Variants in HPSE2 observed in about 807,000 individuals in gnomAD.
The protein encoded by HPSE2 is heparanase 2 (inactive).
HPSE2 carries 38 observed loss-of-function variants against 60.5 expected under a neutral mutation model. The ratio of observed to expected loss-of-function variants is 0.63; its 90% CI spans 0.48 to 0.82. The LOEUF is 0.82. Ranked by LOEUF, HPSE2 falls within the 40% of genes least tolerant of loss-of-function variation. The pLI is 0.00. For synonymous variants in HPSE2, 295 were observed against 293.2 expected (o/e 1.01, Z -0.06); for missense variants, 713 against 740.4 (o/e 0.96, Z 0.43).
At chr10:98,708,797 C>T (rs1284084627) in intron 5 of HPSE2, among the ~76,000 whole-genome samples, 1 of 152,152 alleles carries the variant, frequency 6.6e-6, no homozygotes, top group East Asian at 1.9e-4. Flanking sequence ...AAGACCTCAT[C>T]TAAAATAGGA....
chr10:99,146,854 C>G (rs1410546238), intron 2 of HPSE2, among the ~76,000 whole-genome samples: 2 of 151,748 alleles, frequency 1.3e-5, no homozygotes, highest in Non-Finnish European at 1.5e-5. Context: ...GAGTGAGACT[C>G]CATCAAAAAA....
At chr10:99,054,265 A>C (rs776485836) in intron 3 of HPSE2, among the ~76,000 whole-genome samples, 4 of 152,202 alleles carry the variant, frequency 2.6e-5, no homozygotes, top group Non-Finnish European at 4.4e-5. Flanking sequence ...TACAGAGTTG[A>C]GAAGGGAACA....
intron 2 of HPSE2, among the ~76,000 whole-genome samples, chr10:99,152,892 G>A (rs559826727): frequency 4.7e-4 from 71 of 152,338 alleles, no homozygotes; most frequent in African/African-American, 1.3e-3. Context: ...CAGTGGGTGC[G>A]CGCATCGTGC....
At chr10:98,618,469 A>G (rs1174227401) in intron 8 of HPSE2, among the ~76,000 whole-genome samples, 2 of 152,042 alleles carry the variant, frequency 1.3e-5, no homozygotes, top group Non-Finnish European at 2.9e-5. Context: ...AGCAAATGCC[A>G]TTCCTCTGCT....
the HPSE2 span, among the ~76,000 whole-genome samples, chr10:99,314,696 T>G: frequency 3.9e-5 from 6 of 152,350 alleles, no homozygotes; most frequent in East Asian, 1.2e-3. Context: ...GCACTTATAA[T>G]AGTATTAGTC....
intron 3 of HPSE2, among the ~76,000 whole-genome samples, chr10:99,072,984 G>C (rs1842847525): frequency 6.7e-6 from 1 of 148,624 alleles, no homozygotes; most frequent in African/African-American, 2.5e-5. Context: ...AACAGATGCT[G>C]GAGAGGTTGC....
intron 2 of HPSE2, among the ~76,000 whole-genome samples, chr10:99,184,855 G>A (rs1412876943): frequency 8.7e-6 from 1 of 114,298 alleles, no homozygotes; most frequent in Non-Finnish European, 2.0e-5. Flanking sequence ...GAGAGAGAGA[G>A]AGAGAGAGAC....
At chr10:98,596,192 G>A (rs183057251) in intron 9 of HPSE2, among the ~76,000 whole-genome samples, 5 of 151,926 alleles carry the variant, frequency 3.3e-5, no homozygotes, top group Non-Finnish European at 7.4e-5. Context: ...ATCTGGCTTT[G>A]GTATTAGAAC....
chr10:98,610,156 G>A (rs950024396), intron 9 of HPSE2, among the ~76,000 whole-genome samples: 3 of 152,106 alleles, frequency 2.0e-5, no homozygotes, highest in African/African-American at 7.2e-5. Flanking sequence ...TGGTGTTCTT[G>A]TATCAATCCA....
chr10:98,984,439 T>A (rs1956286441), intron 3 of HPSE2, among the ~76,000 whole-genome samples: 2 of 152,280 alleles, frequency 1.3e-5, no homozygotes, highest in South Asian at 4.1e-4. Flanking sequence ...GTCCTGACTC[T>A]TAGAAGGAAA....
At chr10:99,048,198 C>T (rs9633709) in intron 3 of HPSE2, 67,767 of 634,168 alleles carry the variant, frequency 0.11, 4,255 homozygotes, top group South Asian at 0.19. Flanking sequence ...ATCATCTGCA[C>T]GGAGGATCTG....
intron 3 of HPSE2, among the ~76,000 whole-genome samples, chr10:99,061,698 C>A (rs1320148014): frequency 2.0e-5 from 3 of 152,212 alleles, no homozygotes; most frequent in Admixed American, 6.5e-5. Context: ...GTTAGGAGCA[C>A]AGACTATGGA....
chr10:98,834,800 C>T (rs1951757052), intron 3 of HPSE2, among the ~76,000 whole-genome samples: 1 of 151,620 alleles, frequency 6.6e-6, no homozygotes, highest in African/African-American at 2.4e-5. Flanking sequence ...TATGATAATC[C>T]AGCTGTCTTC....
At chr10:98,605,655 T>C (rs892206582) in intron 9 of HPSE2, among the ~76,000 whole-genome samples, 1 of 152,176 alleles carries the variant, frequency 6.6e-6, no homozygotes, top group African/African-American at 2.4e-5. Flanking sequence ...GATACACCAC[T>C]ATTATTTGTA....
At chr10:98,620,306 T>C (rs868029869) in intron 8 of HPSE2, among the ~76,000 whole-genome samples, 3 of 152,218 alleles carry the variant, frequency 2.0e-5, no homozygotes, top group African/African-American at 4.8e-5. Context: ...AGAAAATGTA[T>C]GTTGTTTACA....
intron 3 of HPSE2, among the ~76,000 whole-genome samples, chr10:98,905,172 T>A (rs185130939): frequency 0.014 from 2,163 of 152,116 alleles, 38 homozygotes; most frequent in African/African-American, 0.045. Flanking sequence ...TTTTTTTTTT[T>A]ATTATACTTT....
At chr10:98,545,078 C>T (rs553123542) in intron 9 of HPSE2, among the ~76,000 whole-genome samples, 1 of 152,320 alleles carries the variant, frequency 6.6e-6, no homozygotes, top group Non-Finnish European at 1.5e-5. Context: ...TTCCTCGACA[C>T]ATACACTCTG....
intron 6 of HPSE2, among the ~76,000 whole-genome samples, chr10:98,672,123 G>A (rs1047248910): frequency 1.3e-5 from 2 of 152,158 alleles, no homozygotes; most frequent in Non-Finnish European, 2.9e-5. Context: ...GCCAAGTACA[G>A]AACTTTAACA....
rs554457143 is a variant in HPSE2 at position 98,698,154 on chromosome 10, C to T, written c.957-4207G>A. On this transcript the variant is annotated intron_variant, in intron 5 of 11. Transcript: ENST00000370552. ...ACCAAGCAGACCTAATAGACATCTACAGAACTCTCCACCCCAAATCAACAG... is the reference window on the plus strand; with the variant it reads ...ACCAAGCAGACCTAATAGACATCTATAGAACTCTCCACCCCAAATCAACAG... Among the ~76,000 whole-genome samples the T allele has an allele frequency of 2.3e-3, 318 of 141,164 alleles. 1 individual carries two copies. Among genetic ancestry groups the T allele is most frequent in the Non-Finnish European group, 3.3e-3 (213 of 64,816 alleles). The allele number at this position is 141,164 out of a possible 152,430, so 92.6% of individuals were successfully genotyped here.
Sources: allele counts gnomAD v4.1 joint callset (sites outside exome capture counted in the v4.1 genomes callset), GRCh38; gene constraint gnomAD v4.1.1; transcripts MANE v1.5; gene names NCBI Gene and HGNC (gene_info 2026-07-23, HGNC 2026-07-21).